GPT: variants seen among roughly 807,000 people sequenced by gnomAD.
GPT encodes glutamic--pyruvic transaminase.
A neutral mutation model predicts 51.4 loss-of-function variants in GPT; 60 were observed. The ratio of observed to expected loss-of-function variants is 1.17; its 90% CI spans 0.95 to 1.45. The LOEUF (loss-of-function observed/expected upper bound fraction) is 1.45. Among genes scored for constraint, GPT ranks in the 40% most tolerant of loss-of-function variants. The pLI is 0.00. For synonymous variants in GPT, 397 were observed against 303.1 expected, an observed-to-expected ratio of 1.31 and a Z score of -3.22; for missense variants, 853 against 704.0, an observed-to-expected ratio of 1.21 and a Z score of -2.40.
Position 144,504,191 on chromosome 8 carries a change from G to A in GPT, c.-114G>A, listed in dbSNP as rs1341313727. On this transcript the variant is annotated 5_prime_UTR_variant, in exon 1 of 11. Coordinates refer to ENST00000394955, the MANE Select transcript of GPT (RefSeq NM_005309.3). ...TGCTCTCTTGCCTGGAGTTCCCTCT[G>A]CTACGGCTGCCCCCTCCCAGCCCTG... 9 of 1,150,628 alleles carry A rather than the reference G, an allele frequency of 7.8e-6. No homozygotes were observed. The Admixed American group carries it at 1.2e-4, about 15-fold the overall frequency. 71.3% of individuals were successfully genotyped at this position (1,150,628 alleles called of 1,614,324 possible).
chr8:144,506,616 C>A lies in GPT; in HGVS notation c.1247C>A (p.Pro416Gln). 2 of 1,558,370 alleles carry A rather than the reference C, an allele frequency of 1.3e-6. No homozygotes were observed. Among genetic ancestry groups the A allele is most frequent in the Non-Finnish European group, 1.7e-6 (2 of 1,151,252 alleles). ...GTGCAGGGCGCCATGTACTCCTTCCCGCGCGTGCAGCTGCCCCCGCGGGCG... is the reference window on the plus strand; with the variant it reads ...GTGCAGGGCGCCATGTACTCCTTCCAGCGCGTGCAGCTGCCCCCGCGGGCG... ...NPVQGAMYSF[P>Q]RVQLPPRAVE... The change falls in exon 9 of 11, where the codon CCG becomes CAG. Residue 416 changes from proline to glutamine, a missense_variant. By Grantham distance (76) the Pro-to-Gln change is moderately conservative. Transcript: ENST00000394955. This position sits in a 1 kb window ranked among gnomAD's most constrained non-coding sequence, Gnocchi z 7.0.
In GPT at chr8:144,504,589, C is replaced by T. The variant is rs1188195132; in HGVS notation, c.163-15C>T. The T allele has an allele frequency of 1.2e-6, 2 of 1,611,448 alleles. No homozygotes were observed. The highest frequency in any genetic ancestry group is 1.7e-6 in the Non-Finnish European group (2 of 1,178,642). ...GTAGGGCACAGTCTCCCTGCCTGCT[C>T]CCCTCCCCTCCCAGGGTGTGAAGAA... is the stretch of plus-strand genomic sequence containing the variant. On this transcript the variant is annotated splice_polypyrimidine_tract_variant and intron_variant, in intron 1 of 10. Transcript: ENST00000394955.
In GPT at chr8:144,506,856, C is replaced by T. The variant is rs777931588; in HGVS notation, c.1400+13C>T. Reference sequence around the variant, plus strand: ...CCTACCACTTCCGGTGAGGCCTGGCCCTCACTCCCTGTCCCGCCACCCTGG... The same window carrying T: ...CCTACCACTTCCGGTGAGGCCTGGCTCTCACTCCCTGTCCCGCCACCCTGG... On this transcript the variant is annotated intron_variant, in intron 10 of 10. Transcript: ENST00000394955. The surrounding 1 kb of genome is among the most constrained non-coding windows in gnomAD (Gnocchi z 7.0). 5 of 1,612,102 alleles carry T rather than the reference C, an allele frequency of 3.1e-6. 1 individual carries two copies. Among genetic ancestry groups the T allele is most frequent in the African/African-American group, 2.7e-5 (2 of 74,920 alleles).
chr8:144,504,990 G>T lies in GPT; in HGVS notation c.362-8G>T, dbSNP rs760427070. On this transcript the variant is annotated splice_region_variant and splice_polypyrimidine_tract_variant and intron_variant, in intron 3 of 10. Transcript: ENST00000394955. Reference sequence around the variant, plus strand: ...CTGTACTTCCCATCCTGTCCTGCCCGAGTCCAGGGGCCTACAGCGTCAGCT... The same window carrying T: ...CTGTACTTCCCATCCTGTCCTGCCCTAGTCCAGGGGCCTACAGCGTCAGCT... 1 of 1,612,918 alleles carries T rather than the reference G, an allele frequency of 6.2e-7. No homozygotes were observed. The highest frequency in any genetic ancestry group is 1.3e-5 in the African/African-American group (1 of 74,938).
chr8:144,505,736 C>T, intron 5 of GPT, 112 bp from the exon 6 acceptor site: 1 of 960,852 alleles, frequency 1.0e-6, no homozygotes, highest in Non-Finnish European at 1.5e-6. Context: ...TCCTCCCGCA[C>T]CCACGTGCGC....
rs1317693079 is a variant in GPT at position 144,505,922 on chromosome 8, G to A, written c.814G>A (p.Asp272Asn). The A allele has an allele frequency of 1.9e-6, 3 of 1,608,086 alleles. No homozygotes were observed. Among genetic ancestry groups the A allele is most frequent in the Middle Eastern group, 1.7e-4 (1 of 6,054 alleles). Residue 272 changes from aspartate (D) to asparagine (N), a missense_variant, in exon 6 of 11, where the codon GAC becomes AAC. Physicochemically the swap from Asp to Asn is conservative, Grantham distance 23. Coordinates refer to ENST00000394955, the MANE Select transcript of GPT (RefSeq NM_005309.3). ...AFEERLFLLA[D>N]EVYQDNVYAA... ...CGAAGAGCGGCTCTTTCTGCTGGCGGACGAGGTGCGCGGCGCGGGGGAGCG... is the reference window on the plus strand; with the variant it reads ...CGAAGAGCGGCTCTTTCTGCTGGCGAACGAGGTGCGCGGCGCGGGGGAGCG...
In GPT at chr8:144,504,407, T is replaced by G. The variant is rs1826682603; in HGVS notation, c.103T>G (p.Tyr35Asp). The G allele has an allele frequency of 6.2e-7, 1 of 1,611,436 alleles. No individual in the cohort carries two copies. The highest frequency in any genetic ancestry group is 1.3e-5 in the African/African-American group (1 of 74,898). Reference sequence around the variant, plus strand: ...GAACCCGCGTGTGCGGAGAGTGGAGTACGCAGTGCGTGGCCCCATAGTGCA... The same window carrying G: ...GAACCCGCGTGTGCGGAGAGTGGAGGACGCAGTGCGTGGCCCCATAGTGCA... The part of the protein sequence containing the change: ...GMNPRVRRVE[Y>D]AVRGPIVQRA... The change falls in exon 1 of 11, where the codon TAC becomes GAC. Residue 35 changes from tyrosine (Y) to aspartate (D), a missense_variant. Transcript: ENST00000394955.
chr8:144,504,157 T>G lies in GPT; in HGVS notation c.-148T>G, dbSNP rs968022865. On this transcript the variant is annotated 5_prime_UTR_variant, in exon 1 of 11. Transcript: ENST00000394955. ...TCCCTCCCAGTGAGGCCAGCTGCGG[T>G]GAAGAGGGTGCTCTCTTGCCTGGAG... 4 of 814,152 alleles carry G rather than the reference T, an allele frequency of 4.9e-6. No individual in the cohort carries two copies. The African/African-American group carries it at 5.0e-5, about 10-fold the overall frequency. 50.4% of individuals were successfully genotyped at this position (814,152 alleles called of 1,614,324 possible).
At position 144,506,873 on chromosome 8, in the gene GPT, C is replaced by G; in HGVS notation, c.1400+30C>G. On this transcript the variant is annotated intron_variant, in intron 10 of 10. Coordinates refer to ENST00000394955, the MANE Select transcript of GPT (RefSeq NM_005309.3). This position sits in a 1 kb window ranked among gnomAD's most constrained non-coding sequence, Gnocchi z 7.0. ...GGCCTGGCCCTCACTCCCTGTCCCG[C>G]CACCCTGGCCCTTCACTCACTGTCA... 1 of 1,611,622 alleles carries G rather than the reference C, an allele frequency of 6.2e-7. No individual in the cohort carries two copies. Among genetic ancestry groups the G allele is most frequent in the Non-Finnish European group, 8.5e-7 (1 of 1,178,768 alleles).
intron 1 of GPT, 32 bp downstream of exon 1, chr8:144,504,498 G>A (rs964268252): frequency 6.2e-7 from 1 of 1,608,030 alleles, no homozygotes; most frequent in Middle Eastern, 1.7e-4. Flanking sequence ...TGCCCTCCAG[G>A]TCACAATGGG....
In GPT at chr8:144,507,169, T is replaced by A; in HGVS notation, c.*169T>A. The A allele has an allele frequency of 1.5e-6, 1 of 658,696 alleles. No homozygotes were observed. The highest frequency in any genetic ancestry group is 1.6e-5 in the South Asian group (1 of 60,688). 40.8% of individuals were successfully genotyped at this position (658,696 alleles called of 1,614,324 possible). A position where few individuals can be genotyped will look rare whatever the true frequency, so the allele number is the denominator to read the frequency against. On this transcript the variant is annotated 3_prime_UTR_variant, in exon 11 of 11. Coordinates refer to ENST00000394955, the MANE Select transcript of GPT (RefSeq NM_005309.3). ...TAATAAAGCTGTGTGGCAGTCTGACTCCAGGGAGGAAGCGTTGGCAGCTGC... is the reference window on the plus strand; with the variant it reads ...TAATAAAGCTGTGTGGCAGTCTGACACCAGGGAGGAAGCGTTGGCAGCTGC...
chr8:144,506,226 G>A lies in GPT; in HGVS notation c.957-6G>A. On this transcript the variant is annotated splice_region_variant and splice_polypyrimidine_tract_variant and intron_variant, in intron 7 of 10. Coordinates refer to ENST00000394955, the MANE Select transcript of GPT (RefSeq NM_005309.3). This position sits in a 1 kb window ranked among gnomAD's most constrained non-coding sequence, Gnocchi z 7.0. ...CCTCCTCCGCACCTGACCTGGCCGT[G>A]CGCAGGTGCGGGTTCCGCGGCGGCT... The A allele has an allele frequency of 6.2e-7, 1 of 1,606,774 alleles. No homozygotes were observed. Among genetic ancestry groups the A allele is most frequent in the Non-Finnish European group, 8.5e-7 (1 of 1,178,560 alleles).
chr8:144,503,821 G>A (rs1320516460), upstream of GPT: 1 of 188,818 alleles, frequency 5.3e-6, no homozygotes, highest in Non-Finnish European at 1.1e-5. Context: ...CTCGCCTCGG[G>A]GGTCCCTCCT....
rs1291897268 is a variant in GPT at position 144,506,674 on chromosome 8, C to A, written c.1287+18C>A. On this transcript the variant is annotated intron_variant, in intron 9 of 10. Coordinates refer to ENST00000394955, the MANE Select transcript of GPT (RefSeq NM_005309.3). The surrounding 1 kb of genome is among the most constrained non-coding windows in gnomAD (Gnocchi z 7.0). ...GCGCTCAGGTCAGGCGGGGGCGGGG[C>A]CTGCGGGGTGGGCAGGGGGGGCCGG... 1 of 1,496,390 alleles carries A rather than the reference C, an allele frequency of 6.7e-7. No individual in the cohort carries two copies. The highest frequency in any genetic ancestry group is 1.2e-5 in the South Asian group (1 of 85,722). 92.7% of individuals were successfully genotyped at this position (1,496,390 alleles called of 1,614,324 possible).
upstream of GPT, chr8:144,503,901 CCT>C (rs1826653148): frequency 3.4e-6 from 1 of 297,902 alleles, no homozygotes; most frequent in Non-Finnish European, 6.6e-6. Context: ...GGTGCTCAGC[CCT>C]CTCCCCCTCC....
Position 144,505,476 on chromosome 8 carries a change from T to G in GPT, c.726T>G (p.Pro242=). 2 of 1,588,200 alleles carry G rather than the reference T, an allele frequency of 1.3e-6. No homozygotes were observed. The highest frequency in any genetic ancestry group is 8.5e-7 in the Non-Finnish European group (1 of 1,170,158). The stretch of plus-strand genomic sequence containing the variant: ...CTCGTGCGCTCTGTGTCATCAACCC[T>G]GGCAACCCCACCGGTGCGTTCCCCG... ...CRPRALCVIN[P]GNPTGQVQTR... Residue 242 remains proline, a synonymous_variant, in exon 5 of 11, where the codon CCT becomes CCG. Coordinates refer to ENST00000394955, the MANE Select transcript of GPT (RefSeq NM_005309.3).
At position 144,505,445 on chromosome 8, in the gene GPT, GC is replaced by G. The variant is rs1416801077; in HGVS notation, c.697del (p.Arg233AlafsTer26). 1 of 1,598,142 alleles carries G rather than the reference GC, an allele frequency of 6.3e-7. No homozygotes were observed. The highest frequency in any genetic ancestry group is 8.5e-7 in the Non-Finnish European group (1 of 1,174,720). On this transcript the variant is annotated frameshift_variant, in exon 5 of 11. Transcript: ENST00000394955. LOFTEE classifies it high-confidence loss of function. The stretch of plus-strand genomic sequence containing the variant: ...GCACTGGGCCAGGCGCGTGACCACT[GC>G]CGCCCTCGTGCGCTCTGTGTCATCA... Reference protein sequence around the residue: ...HRALGQARDHCRPRALCVINP... With the variant: ...HRALGQARDHXRPRALCVINP...
At chr8:144,503,280 GC>G (rs1241179765), upstream of GPT, among the ~76,000 whole-genome samples, 1 of 152,152 alleles carries the variant, frequency 6.6e-6, no homozygotes, top group Non-Finnish European at 1.5e-5. Flanking sequence ...AGGTTTCGGT[GC>G]CCGACGCTGG....
Position 144,504,276 on chromosome 8 carries a change from C to G in GPT, c.-29C>G, listed in dbSNP as rs1460951876. ...ACTTCTGGTCCTGCCACCTCCTGAG[C>G]TGCCTTCCCGCCTGGTCTGGGTAGA... On this transcript the variant is annotated 5_prime_UTR_variant, in exon 1 of 11. Transcript: ENST00000394955. 1.2e-6 allele frequency: 2 copies of G among 1,602,556 alleles called. No individual in the cohort carries two copies. The highest frequency in any genetic ancestry group is 1.7e-6 in the Non-Finnish European group (2 of 1,179,080).
Sources: gnomAD v4.1 joint callset for allele counts (sites outside exome capture counted in the v4.1 genomes callset) on GRCh38, gnomAD v4.1.1 for gene constraint, Gnocchi (gnomAD v3.1) non-coding constraint, MANE v1.5 for transcripts, NCBI Gene and HGNC (gene_info 2026-07-23, HGNC 2026-07-21) for gene names.